The following TNR variants were observed in gnomAD, a reference collection of about 807,000 sequenced individuals.
TNR encodes the protein tenascin R.
TNR carries 45 observed loss-of-function variants against 150.4 expected under a neutral mutation model. The ratio of observed to expected loss-of-function variants is 0.30; its 90% CI spans 0.24 to 0.38. TNR has a LOEUF of 0.38. Among genes scored for constraint, TNR ranks in the 10% least tolerant of loss-of-function variants. The pLI, the probability that TNR is intolerant of heterozygous loss-of-function variation, is 1.00. For synonymous variants in TNR, 687 were observed against 678.4 expected, an observed-to-expected ratio of 1.01 and a Z score of -0.20; for missense variants, 1,544 against 1,759.1, an observed-to-expected ratio of 0.88 and a Z score of 2.19.
chr1:175,366,059 G>A lies in TNR; in HGVS notation c.2133C>T (p.Gly711=), dbSNP rs752164620. The part of the protein sequence containing the change: ...SISLIWTKAS[G]PIDHYRITFT... ...AGGTAATTCGGTAGTGGTCAATGGG[G>A]CCACTGGCCTTGGTCCAGATGAGGG... is the stretch of plus-strand genomic sequence containing the variant. Residue 711 remains glycine (G), a synonymous_variant, in exon 11 of 23, where the codon GGC becomes GGT. Coordinates refer to ENST00000367674, the MANE Select transcript of TNR (RefSeq NM_003285.3). 1.9e-6 allele frequency: 3 copies of A among 1,614,080 alleles called. No homozygotes were observed. Among genetic ancestry groups the A allele is most frequent in the South Asian group, 2.2e-5 (2 of 91,064 alleles).
intron 2 of TNR, among the ~76,000 whole-genome samples, chr1:175,443,779 A>C (rs1033317409): frequency 6.6e-5 from 10 of 152,176 alleles, no homozygotes; most frequent in Non-Finnish European, 1.5e-4. Flanking sequence ...AAGAAAGAAA[A>C]GGCAATGCAA....
intron 2 of TNR, among the ~76,000 whole-genome samples, chr1:175,475,174 G>C (rs984295495): frequency 1.3e-5 from 2 of 152,092 alleles, no homozygotes; most frequent in Non-Finnish European, 2.9e-5. Flanking sequence ...TCTATTTCCT[G>C]GCACTGCTTC....
Position 175,657,883 on chromosome 1 carries a change from A to ATATATATATATATATATATGTGTG in TNR, c.-165+85342_-165+85343insCACACATATATATATATATATATA, listed in dbSNP as rs1464419575. On this transcript the variant is annotated intron_variant, in intron 1 of 22. Transcript: ENST00000367674. ...TATATATATATATATATATATATAT[A>ATATATATATATATATATATGTGTG]TGTAACAAACCTGCACGTTGTGCAC... Among the ~76,000 whole-genome samples the ATATATATATATATATATATGTGTG allele has an allele frequency of 4.6e-4, 47 of 101,136 alleles. 2 individuals are homozygous for ATATATATATATATATATATGTGTG. The highest frequency in any genetic ancestry group is 9.6e-4 in the Non-Finnish European group (47 of 48,764). 66.3% of individuals were successfully genotyped at this position (101,136 alleles called of 152,430 possible).
intron 2 of TNR, among the ~76,000 whole-genome samples, chr1:175,511,195 A>G (rs996911583): frequency 6.6e-5 from 10 of 152,188 alleles, no homozygotes; most frequent in African/African-American, 2.4e-4. Flanking sequence ...GTAAACATAT[A>G]ATAAAACAAA....
At chr1:175,640,119 A>G (rs1021949263) in intron 1 of TNR, among the ~76,000 whole-genome samples, 2 of 152,252 alleles carry the variant, frequency 1.3e-5, no homozygotes, top group African/African-American at 4.8e-5. Context: ...GGAAGGTGAC[A>G]TGAGTAAATA....
intron 2 of TNR, among the ~76,000 whole-genome samples, chr1:175,516,196 C>T (rs916651809): frequency 1.3e-5 from 2 of 152,120 alleles, no homozygotes; most frequent in African/African-American, 2.4e-5. Flanking sequence ...CCTAATAGCA[C>T]CTGCCTGAAA....
At chr1:175,672,123 C>T (rs1337429774) in intron 1 of TNR, among the ~76,000 whole-genome samples, 21 of 152,166 alleles carry the variant, frequency 1.4e-4, no homozygotes, top group Admixed American at 9.8e-4. Flanking sequence ...CTTATCTCTC[C>T]GTCTCAATTT....
intron 1 of TNR, among the ~76,000 whole-genome samples, chr1:175,726,944 T>C (rs1353951914): frequency 6.6e-6 from 1 of 152,062 alleles, no homozygotes; most frequent in East Asian, 1.9e-4. Context: ...TGAGCCCCAA[T>C]GTGGCATGTA....
chr1:175,406,718 C>T lies in TNR; in HGVS notation c.-4G>A, dbSNP rs901880443. ...CTGTTTCCCCATCTGCCCCCATCCT[C>T]TCAGCCAGAGATCTGGGTTCAGGAC... On this transcript the variant is annotated 5_prime_UTR_variant, in exon 3 of 23. Coordinates refer to ENST00000367674, the MANE Select transcript of TNR (RefSeq NM_003285.3). The T allele has an allele frequency of 6.2e-7, 1 of 1,612,862 alleles. No individual in the cohort carries two copies. Among genetic ancestry groups the T allele is most frequent in the East Asian group, 2.2e-5 (1 of 44,882 alleles).
In TNR at chr1:175,366,088, T is replaced by C. The variant is rs888585004; in HGVS notation, c.2104A>G (p.Ile702Val). 2.5e-6 allele frequency: 4 copies of C among 1,613,664 alleles called. No individual in the cohort carries two copies. The highest frequency in any genetic ancestry group is 1.7e-5 in the Admixed American group (1 of 60,016). ...CTGGCCTTGGTCCAGATGAGGGAGA[T>C]GGAGGTCTCCGAGGAGGCTGTCACC... is the stretch of plus-strand genomic sequence containing the variant. ...LMVTASSETS[I>V]SLIWTKASGP... Residue 702 changes from isoleucine to valine, a missense_variant, in exon 11 of 23, where the codon ATC becomes GTC. Transcript: ENST00000367674.
intron 19 of TNR, among the ~76,000 whole-genome samples, chr1:175,337,036 G>C (rs552210529): frequency 5.8e-4 from 88 of 152,252 alleles, no homozygotes; most frequent in African/African-American, 1.9e-3. Flanking sequence ...GGGACTACAG[G>C]CATGTGCCAC....
intron 18 of TNR, among the ~76,000 whole-genome samples, chr1:175,340,718 G>GCACATTTT (rs1650481223): frequency 6.6e-6 from 1 of 152,188 alleles, no homozygotes; most frequent in African/African-American, 2.4e-5. Flanking sequence ...TCTTTGTCTG[G>GCACATTTT]CACATTTTCC....
chr1:175,623,092 C>T (rs1200429434), intron 1 of TNR, among the ~76,000 whole-genome samples: 1 of 152,172 alleles, frequency 6.6e-6, no homozygotes, highest in Non-Finnish European at 1.5e-5. Flanking sequence ...ACAAATTCAA[C>T]CTATAACAGT....
At chr1:175,333,625 T>C (rs1452999635) in intron 20 of TNR, among the ~76,000 whole-genome samples, 2 of 152,210 alleles carry the variant, frequency 1.3e-5, no homozygotes, top group East Asian at 1.9e-4. Context: ...GTACCTACTA[T>C]CTCTCAGGCA....
intron 1 of TNR, among the ~76,000 whole-genome samples, chr1:175,592,598 T>C (rs1211023403): frequency 1.3e-5 from 2 of 152,226 alleles, no homozygotes; most frequent in African/African-American, 4.8e-5. Flanking sequence ...AGGCAGTACA[T>C]TTCTGAGGAT....
intron 1 of TNR, among the ~76,000 whole-genome samples, chr1:175,723,189 A>G (rs951852172): frequency 6.6e-6 from 1 of 152,214 alleles, no homozygotes; most frequent in Non-Finnish European, 1.5e-5. Context: ...AGACTTAATT[A>G]TTTTCCCACA....
At chr1:175,712,063 C>T (rs996008408) in intron 1 of TNR, among the ~76,000 whole-genome samples, 1 of 152,144 alleles carries the variant, frequency 6.6e-6, no homozygotes, top group Non-Finnish European at 1.5e-5. Context: ...CTACTCTCCC[C>T]TCTTCTCATC....
intron 11 of TNR, among the ~76,000 whole-genome samples, chr1:175,365,563 G>A (rs576565112): frequency 7.2e-5 from 11 of 152,244 alleles, no homozygotes; most frequent in African/African-American, 2.6e-4. Context: ...AATTTTATAT[G>A]ATCCCATGGA....
Position 175,456,160 on chromosome 1 carries a change from GC to G in TNR, c.-63-49384del, listed in dbSNP as rs758120679. Among the ~76,000 whole-genome samples the G allele has an allele frequency of 7.2e-5, 11 of 152,234 alleles. No homozygotes were observed. The South Asian group carries it at 2.3e-3, about 32-fold the overall frequency. Reference sequence around the variant, plus strand: ...TCCTGAATACGCCAGGCAAGTTTCTGCCCCAGCCCCTCTGTACCTCCAGGTC... The same window carrying G: ...TCCTGAATACGCCAGGCAAGTTTCTGCCCAGCCCCTCTGTACCTCCAGGTC... On this transcript the variant is annotated intron_variant, in intron 2 of 22. Coordinates refer to ENST00000367674, the MANE Select transcript of TNR (RefSeq NM_003285.3).
Sources: allele counts gnomAD v4.1 joint callset (sites outside exome capture counted in the v4.1 genomes callset), GRCh38; gene constraint gnomAD v4.1.1; transcripts MANE v1.5; gene names NCBI Gene and HGNC (gene_info 2026-07-23, HGNC 2026-07-21).